The following DNAJC13 variants were observed in gnomAD, a reference collection of about 807,000 sequenced individuals.
DNAJC13 encodes the protein DnaJ heat shock protein family (Hsp40) member C13, also known as dnaJ homolog subfamily C member 13.
A neutral mutation model predicts 290.5 loss-of-function variants in DNAJC13; 75 were observed. That is an observed-to-expected ratio of 0.26 (90% confidence interval 0.21 to 0.31). The LOEUF (loss-of-function observed/expected upper bound fraction) is 0.31. DNAJC13 is among the 10% of genes least tolerant of loss of function. The pLI is 1.00. For missense variants in DNAJC13, 2,260 were observed against 2,674.5 expected, an observed-to-expected ratio of 0.85 and a Z score of 3.42; for synonymous variants, 862 against 892.0, an observed-to-expected ratio of 0.97 and a Z score of 0.60.
rs1165562146 is a variant in DNAJC13 at position 132,516,463 on chromosome 3, A to C, written c.5527A>C (p.Ser1843Arg). 1 of 1,613,714 alleles carries C rather than the reference A, an allele frequency of 6.2e-7. No individual in the cohort carries two copies. Among genetic ancestry groups the C allele is most frequent in the Non-Finnish European group, 8.5e-7 (1 of 1,179,794 alleles). Reference protein sequence around the residue: ...VLETLYALTSSTKIIKEAMAK... With the variant: ...VLETLYALTSRTKIIKEAMAK... ...GGAAACTCTTTATGCTTTGACATCG[A>C]GTACAAAAATAATCAAAGAAGCAAT... The change falls in exon 47 of 56, where the codon AGT becomes CGT. Residue 1843 changes from serine (S) to arginine (R), a missense_variant. Coordinates refer to ENST00000260818, the MANE Select transcript of DNAJC13 (RefSeq NM_015268.4).
At chr3:132,475,140 T>C in intron 22 of DNAJC13, 55 bp downstream of exon 22, 1 of 1,354,222 alleles carries the variant, frequency 7.4e-7, no homozygotes, top group Non-Finnish European at 9.7e-7. Context: ...ATGTACTATT[T>C]GGGGAGTGAT....
At chr3:132,451,660 A>T (rs988780465) in intron 6 of DNAJC13, among the ~76,000 whole-genome samples, 1 of 152,166 alleles carries the variant, frequency 6.6e-6, no homozygotes, top group Admixed American at 6.6e-5. Flanking sequence ...GAAAATTTTA[A>T]TTCTTGTAGC....
In DNAJC13 at chr3:132,484,665, T is replaced by G. The variant is rs776036208; in HGVS notation, c.3260T>G (p.Ile1087Ser). 1.9e-6 allele frequency: 3 copies of G among 1,613,550 alleles called. No individual in the cohort carries two copies. The highest frequency in any genetic ancestry group is 2.5e-6 in the Non-Finnish European group (3 of 1,179,458). Residue 1087 changes from isoleucine (I) to serine (S), a missense_variant, in exon 29 of 56, where the codon ATT becomes AGT. Ile to Ser is a moderately radical substitution (Grantham distance 142, BLOSUM62 -2). Transcript: ENST00000260818. ...LLSDSTCLPH[I>S]IQLLLTFDPI... The stretch of plus-strand genomic sequence containing the variant: ...TCAGATAGCACTTGCCTTCCCCATA[T>G]TATTCAGGTGAGTTATGTAATCAAA...
intron 48 of DNAJC13, among the ~76,000 whole-genome samples, chr3:132,520,923 G>C (rs1936069196): frequency 6.6e-6 from 1 of 152,056 alleles, no homozygotes; most frequent in African/African-American, 2.4e-5. Context: ...TTCAATTTTT[G>C]TTTCAAGCTG....
At chr3:132,474,162 T>G (rs1934381623) in intron 21 of DNAJC13, 1 of 152,264 alleles carries the variant, frequency 6.6e-6, no homozygotes. Context: ...TTCCATATGC[T>G]TTACCCAGAA....
chr3:132,443,196 A>G (rs1021549653), intron 2 of DNAJC13, among the ~76,000 whole-genome samples: 2 of 152,100 alleles, frequency 1.3e-5, no homozygotes, highest in African/African-American at 2.4e-5. Context: ...AGTCTCATCT[A>G]GGCTGGAATA....
chr3:132,527,968 A>G (rs1178541213), intron 53 of DNAJC13, among the ~76,000 whole-genome samples: 1 of 152,224 alleles, frequency 6.6e-6, no homozygotes, highest in Non-Finnish European at 1.5e-5. Context: ...CCCTCTGTGC[A>G]TTAATTGAAT....
chr3:132,457,360 C>G lies in DNAJC13; in HGVS notation c.1441C>G (p.Leu481Val). 1 of 1,611,956 alleles carries G rather than the reference C, an allele frequency of 6.2e-7. No homozygotes were observed. The highest frequency in any genetic ancestry group is 8.5e-7 in the Non-Finnish European group (1 of 1,179,028). The stretch of plus-strand genomic sequence containing the variant: ...TGCAGCAGTTGATATGCTTTGTGCC[C>G]TTATGTGTGTAAGTAGTAGTTTTCT... ...IHAAVDMLCA[L>V]MCPMHDDYDL... is the part of the protein sequence containing the mutation. The change falls in exon 13 of 56, where the codon CTT becomes GTT. Residue 481 changes from leucine to valine, a missense_variant. Physicochemically the swap from Leu to Val is conservative, Grantham distance 32. Around this residue, in one of 3 missense-constraint regions of DNAJC13, gnomAD observed 762 missense variants for 964.1 expected, o/e 0.79. Coordinates refer to ENST00000260818, the MANE Select transcript of DNAJC13 (RefSeq NM_015268.4).
chr3:132,531,487 A>G (rs772687979), intron 55 of DNAJC13, among the ~76,000 whole-genome samples: 1 of 152,230 alleles, frequency 6.6e-6, no homozygotes, highest in Non-Finnish European at 1.5e-5. Context: ...AACTCCAAAT[A>G]TGTATAATTG....
In DNAJC13 at chr3:132,502,281, T is replaced by C; in HGVS notation, c.4537-8T>C. ...TAACAACTAATGCTCTCATTTTTAT[T>C]CTCTCAGAGTATTCCCCGCGTAGCT... On this transcript the variant is annotated splice_region_variant and splice_polypyrimidine_tract_variant and intron_variant, in intron 39 of 55. Coordinates refer to ENST00000260818, the MANE Select transcript of DNAJC13 (RefSeq NM_015268.4). 3 of 1,591,432 alleles carry C rather than the reference T, an allele frequency of 1.9e-6. No homozygotes were observed. The highest frequency in any genetic ancestry group is 2.6e-6 in the Non-Finnish European group (3 of 1,171,412).
chr3:132,513,277 TATTGCACA>T (rs1935832402), intron 45 of DNAJC13, among the ~76,000 whole-genome samples, 178 bp downstream of exon 45: 1 of 152,202 alleles, frequency 6.6e-6, no homozygotes, highest in Admixed American at 6.5e-5. Context: ...GAAGAGTGAA[TATTGCACA>T]ATTGCACAAT....
Position 132,503,225 on chromosome 3 carries a change from C to T in DNAJC13, c.4728C>T (p.Asn1576=). ...SEETNQQEVA[N]SLAKLSVHAL... ...TTTTTTTATAACAGGAGGTAGCAAA[C>T]AGCCTTGCCAAACTGAGTGTCCATG... The change falls in exon 41 of 56, where the codon AAC becomes AAT. Residue 1576 remains asparagine, a synonymous_variant. Coordinates refer to ENST00000260818, the MANE Select transcript of DNAJC13 (RefSeq NM_015268.4). The T allele has an allele frequency of 1.2e-6, 2 of 1,613,514 alleles. No homozygotes were observed. Among genetic ancestry groups the T allele is most frequent in the South Asian group, 2.2e-5 (2 of 90,988 alleles).
At chr3:132,521,925 T>C (rs1256698141) in intron 48 of DNAJC13, among the ~76,000 whole-genome samples, 2 of 152,158 alleles carry the variant, frequency 1.3e-5, no homozygotes, top group African/African-American at 4.8e-5. Flanking sequence ...GCAACTGACA[T>C]GATTTTATTT....
In DNAJC13 at chr3:132,488,442, C is replaced by G. The variant is rs756108091; in HGVS notation, c.3412C>G (p.Pro1138Ala). Residue 1138 changes from proline (P) to alanine (A), a missense_variant, in exon 30 of 56, where the codon CCT becomes GCT. Physicochemically the swap from Pro to Ala is conservative, Grantham distance 27. Around this residue, in one of 3 missense-constraint regions of DNAJC13, gnomAD observed 1,494 missense variants for 1,693.7 expected, o/e 0.88. Transcript: ENST00000260818. ...IMMYTGSNVL[P>A]VARFLKYTHT... ...GATGTACACAGGTTCCAATGTGCTTCCTGTTGCTCGGTAAGAACTTTAAGG... is the reference window on the plus strand; with the variant it reads ...GATGTACACAGGTTCCAATGTGCTTGCTGTTGCTCGGTAAGAACTTTAAGG... 1 of 1,608,658 alleles carries G rather than the reference C, an allele frequency of 6.2e-7. No individual in the cohort carries two copies. Among genetic ancestry groups the G allele is most frequent in the Non-Finnish European group, 8.5e-7 (1 of 1,177,806 alleles).
At chr3:132,498,645 C>T (rs1935310250) in intron 36 of DNAJC13, among the ~76,000 whole-genome samples, 1 of 151,984 alleles carries the variant, frequency 6.6e-6, no homozygotes, top group Non-Finnish European at 1.5e-5. Flanking sequence ...CTTTTTTTAT[C>T]AACTGGCATT....
In DNAJC13 at chr3:132,475,020, G is replaced by A. The variant is rs1179350327; in HGVS notation, c.2380G>A (p.Ala794Thr). Residue 794 changes from alanine to threonine, a missense_variant, in exon 22 of 56, where the codon GCA (alanine) becomes ACA (threonine). Transcript: ENST00000260818. ...LKDTLESEMRAFNIDRELGSA... is the reference protein window; with the variant it reads ...LKDTLESEMRTFNIDRELGSA... The stretch of plus-strand genomic sequence containing the variant: ...AGATACTCTTGAATCTGAAATGAGA[G>A]CATTTAATATTGACAGAGAACTTGG... 6.8e-6 allele frequency: 11 copies of A among 1,610,948 alleles called. No homozygotes were observed. The highest frequency in any genetic ancestry group is 9.3e-6 in the Non-Finnish European group (11 of 1,178,388).
intron 20 of DNAJC13, among the ~76,000 whole-genome samples, chr3:132,467,551 C>T (rs1360185134): frequency 2.6e-5 from 4 of 152,074 alleles, no homozygotes; most frequent in African/African-American, 7.2e-5. Context: ...CTGCAAGCTC[C>T]GCCTCCTGGG....
intron 43 of DNAJC13, among the ~76,000 whole-genome samples, chr3:132,508,931 C>T (rs779144281): frequency 1.1e-4 from 16 of 152,304 alleles, no homozygotes; most frequent in Middle Eastern, 3.4e-3. Flanking sequence ...TACTACTGCT[C>T]GTTGGCAATG....
intron 20 of DNAJC13, among the ~76,000 whole-genome samples, chr3:132,470,554 T>C (rs1286696564): frequency 3.0e-4 from 38 of 126,356 alleles, no homozygotes; most frequent in East Asian, 5.0e-4. Flanking sequence ...CACTTCCCAG[T>C]AGGGGCGGCC....
Sources: gnomAD v4.1 joint callset for allele counts (sites outside exome capture counted in the v4.1 genomes callset) on GRCh38, gnomAD v4.1.1 for gene constraint, gnomAD v4.1.1 regional missense constraint, MANE v1.5 for transcripts, NCBI Gene and HGNC (gene_info 2026-07-23, HGNC 2026-07-21) for gene names.